WDFY3: variants seen among roughly 807,000 people sequenced by gnomAD.
The protein encoded by WDFY3 is WD repeat and FYVE domain containing 3.
Under a neutral mutation model 409.6 loss-of-function variants are expected in WDFY3, and 66 were observed. The ratio of observed to expected loss-of-function variants is 0.16; its 90% confidence interval spans 0.13 to 0.20. The LOEUF (loss-of-function observed/expected upper bound fraction) is 0.20, where lower values mean the gene tolerates loss of function less well. Among genes scored for constraint, WDFY3 ranks in the 10% least tolerant of loss-of-function variants. WDFY3 has a pLI of 1.00. For synonymous variants in WDFY3, 1,521 were observed against 1,537.1 expected, an observed-to-expected ratio of 0.99 and a Z score of 0.25; for missense variants, 3,031 against 4,298.1, an observed-to-expected ratio of 0.71 and a Z score of 8.24.
intron 2 of WDFY3, among the ~76,000 whole-genome samples, chr4:84,918,669 C>A (rs887940708): frequency 1.3e-5 from 2 of 151,180 alleles, no homozygotes; most frequent in African/African-American, 4.9e-5. Context: ...CTGTTGGGAG[C>A]CCATGTTCTC....
chr4:84,923,511 A>G lies in WDFY3; in HGVS notation c.-132+8759T>C, dbSNP rs78633995. On this transcript the variant is annotated intron_variant, in intron 2 of 67. Coordinates refer to ENST00000295888, the MANE Select transcript of WDFY3 (RefSeq NM_014991.6). ...GGTTCCTATGCCACATAAAGCTTTTATTAAATAAATGTGTATGCTTTTCTC... is the reference window on the plus strand; with the variant it reads ...GGTTCCTATGCCACATAAAGCTTTTGTTAAATAAATGTGTATGCTTTTCTC... Among the ~76,000 whole-genome samples, 1,288 of 152,258 alleles carry G rather than the reference A, an allele frequency of 8.5e-3. 21 individuals carry two copies. Among genetic ancestry groups the G allele is most frequent in the African/African-American group, 0.03 (1,233 of 41,538 alleles).
At chr4:84,829,854 A>ATAAATAAATAAAT (rs1560868644) in intron 8 of WDFY3, among the ~76,000 whole-genome samples, 1 of 79,280 alleles carries the variant, frequency 1.3e-5, no homozygotes, top group African/African-American at 4.8e-5. Context: ...AATAAATTAG[A>ATAAATAAATAAAT]GAGACTATAG....
intron 1 of WDFY3, among the ~76,000 whole-genome samples, chr4:84,962,226 C>G (rs984485043): frequency 1.3e-5 from 2 of 152,060 alleles, no homozygotes; most frequent in Non-Finnish European, 2.9e-5. Flanking sequence ...GCCATAGTGA[C>G]AGTGTTTACA....
intron 2 of WDFY3, among the ~76,000 whole-genome samples, chr4:84,905,448 C>T (rs903099069): frequency 1.3e-5 from 2 of 152,172 alleles, no homozygotes; most frequent in Non-Finnish European, 2.9e-5. Flanking sequence ...TGAGTATTTT[C>T]CTTGCTTTCC....
intron 13 of WDFY3, among the ~76,000 whole-genome samples, chr4:84,812,779 C>T (rs899396739): frequency 6.6e-6 from 1 of 151,280 alleles, no homozygotes. Context: ...AGGCCCACCT[C>T]CTACTTCCTC....
At chr4:84,724,269 CAAAG>C (rs984871521) in intron 46 of WDFY3, among the ~76,000 whole-genome samples, 153 bp downstream of exon 46, 2 of 152,142 alleles carry the variant, frequency 1.3e-5, no homozygotes, top group East Asian at 1.9e-4. Flanking sequence ...TTAGTTCTGA[CAAAG>C]AAATCAATCT....
rs373836232 is a variant in WDFY3, at chr4:84,753,763, G to A, written c.5673C>T (p.Ser1891=). 5.5e-5 allele frequency: 88 copies of A among 1,612,442 alleles called. No individual in the cohort carries two copies. Among genetic ancestry groups the A allele is most frequent in the Non-Finnish European group, 7.4e-5 (87 of 1,179,390 alleles). The stretch of plus-strand genomic sequence containing the variant: ...CTGCTAATGCACACAGGAAGTCAGG[G>A]CTCATCCACATGGAGGCAAGGTCTG... ...NVPDLASMWM[S]PDFLCALAAT... The change falls in exon 35 of 68, where the codon AGC becomes AGT. Residue 1891 remains serine (S), a synonymous_variant. Coordinates refer to ENST00000295888, the MANE Select transcript of WDFY3 (RefSeq NM_014991.6).
chr4:84,828,937 A>G, intron 9 of WDFY3, 67 bp downstream of exon 9: 1 of 1,443,842 alleles, frequency 6.9e-7, no homozygotes. Flanking sequence ...CCCAAATCAC[A>G]TTGTTTTCTT....
intron 5 of WDFY3, 68 bp downstream of exon 5, chr4:84,849,833 TA>T: frequency 6.3e-7 from 1 of 1,581,216 alleles, no homozygotes; most frequent in East Asian, 2.3e-5. Context: ...CATTTAATTT[TA>T]ATGGGACTTT....
At chr4:84,702,127 C>T (rs372407165) in intron 56 of WDFY3, among the ~76,000 whole-genome samples, 9 of 152,194 alleles carry the variant, frequency 5.9e-5, no homozygotes, top group East Asian at 3.9e-4. Context: ...CCTGCCTCAG[C>T]CTCCTAAGTA....
intron 24 of WDFY3, among the ~76,000 whole-genome samples, chr4:84,784,889 TATACACACACACAC>T (rs1747254551): frequency 1.9e-5 from 1 of 52,048 alleles, no homozygotes; most frequent in East Asian, 5.3e-4. Context: ...TATATATATA[TATACACACACACAC>T]ACACACACAC....
rs1178280105 is a variant in WDFY3, at chr4:84,692,964, A to G, written c.8970T>C (p.Ser2990=). The G allele has an allele frequency of 1.9e-6, 3 of 1,613,684 alleles. No homozygotes were observed. Among genetic ancestry groups the G allele is most frequent in the Non-Finnish European group, 2.5e-6 (3 of 1,179,942 alleles). The change falls in exon 59 of 68, where the codon TCT becomes TCC. Residue 2990 remains serine, a synonymous_variant. Coordinates refer to ENST00000295888, the MANE Select transcript of WDFY3 (RefSeq NM_014991.6). ...TGTCACTTGTAGATCCTGGTAGGACAGAGATTCCTGCATTGTCTCCATTGA... is the reference window on the plus strand; with the variant it reads ...TGTCACTTGTAGATCCTGGTAGGACGGAGATTCCTGCATTGTCTCCATTGA... The part of the protein sequence containing the change: ...SRLNGDNAGI[S]VLPGSTSDKI...
chr4:84,722,403 A>G (rs952119240), intron 46 of WDFY3, among the ~76,000 whole-genome samples: 1 of 152,184 alleles, frequency 6.6e-6, no homozygotes, highest in Non-Finnish European at 1.5e-5. Context: ...AGTAAAAAAT[A>G]AACATGATTA....
At position 84,737,512 on chromosome 4, in the gene WDFY3, T is replaced by C. The variant is rs180878397; in HGVS notation, c.6575-146A>G. On this transcript the variant is annotated intron_variant, in intron 40 of 67. Coordinates refer to ENST00000295888, the MANE Select transcript of WDFY3 (RefSeq NM_014991.6). ...AAAAAAACAAAGCTCATGTTGTATC[T>C]AGCCCAGTGAAAAGGTTATTTAGAC... 136 of 933,082 alleles carry C rather than the reference T, an allele frequency of 1.5e-4. 1 individual carries two copies. Among genetic ancestry groups the C allele is most frequent in the Middle Eastern group, 7.4e-4 (2 of 2,708 alleles). 57.8% of individuals were successfully genotyped at this position (933,082 alleles called of 1,614,324 possible).
At chr4:84,930,425 T>C (rs900280799) in intron 2 of WDFY3, among the ~76,000 whole-genome samples, 1 of 152,168 alleles carries the variant, frequency 6.6e-6, no homozygotes, top group African/African-American at 2.4e-5. Flanking sequence ...TAATTCTTTA[T>C]AATAATACCA....
Position 84,678,375 on chromosome 4 carries a change from C to T in WDFY3, c.10148-96G>A, listed in dbSNP as rs1726724514. ...AGATGGTGGCCTTAAACTTAGGGTA[C>T]CTCAACATACAGCTACAGCAGCTTT... On this transcript the variant is annotated intron_variant, in intron 65 of 67. Transcript: ENST00000295888. The T allele has an allele frequency of 6.0e-6, 5 of 832,380 alleles. No homozygotes were observed. The Admixed American group carries it at 9.6e-5, about 16-fold the overall frequency. The allele number at this position is 832,380 out of a possible 1,614,324, so 51.6% of individuals were successfully genotyped here.
Position 84,861,368 on chromosome 4 carries a change from TTTAG to T in WDFY3, c.-31-750_-31-747del, listed in dbSNP as rs1227802744. ...CCAAAACCTCACAAAATTTTCTATT[TTTAG>T]TTATTTAATTTATAATTACTTAATT... On this transcript the variant is annotated intron_variant, in intron 3 of 67. Coordinates refer to ENST00000295888, the MANE Select transcript of WDFY3 (RefSeq NM_014991.6). 3.9e-5 allele frequency among the ~76,000 whole-genome samples: 6 copies of T among 152,316 alleles called. No individual in the cohort carries two copies. In the South Asian group the frequency reaches 1.2e-3, roughly 32 times the overall value.
chr4:84,721,471 T>C lies in WDFY3; in HGVS notation c.7543A>G (p.Ile2515Val). 1 of 1,613,564 alleles carries C rather than the reference T, an allele frequency of 6.2e-7. No homozygotes were observed. Residue 2515 changes from isoleucine (I) to valine (V), a missense_variant, in exon 47 of 68, where the codon ATA becomes GTA. Ile to Val is a conservative substitution (Grantham distance 29, BLOSUM62 3). Around this residue, in one of 16 missense-constraint regions of WDFY3, gnomAD observed 127 missense variants for 144.4 expected, o/e 0.88. Coordinates refer to ENST00000295888, the MANE Select transcript of WDFY3 (RefSeq NM_014991.6). ...LQDQIAEGSS[I>V]EEEEKTDNAT... ...TTATCTGTTTTCTCCTCCTCTTCTA[T>C]GGAGCTGCCCTCAGCAATCTGGTCT...
intron 39 of WDFY3, among the ~76,000 whole-genome samples, 182 bp downstream of exon 39, chr4:84,740,004 GA>G (rs911963036): frequency 5.4e-5 from 8 of 149,302 alleles, no homozygotes; most frequent in East Asian, 2.0e-4. Context: ...TAAGTTAAAG[GA>G]AAAAAAAATA....
Sources: gnomAD v4.1 joint callset for allele counts (sites outside exome capture counted in the v4.1 genomes callset) on GRCh38, gnomAD v4.1.1 for gene constraint, gnomAD v4.1.1 regional missense constraint, MANE v1.5 for transcripts, NCBI Gene and HGNC (gene_info 2026-07-23, HGNC 2026-07-21) for gene names.